MIB1: variants seen among roughly 807,000 people sequenced by gnomAD.
MIB1 encodes the protein E3 ubiquitin-protein ligase MIB1.
In MIB1, 278 loss-of-function variants were observed where a neutral mutation model predicts 124.5. That is an observed-to-expected ratio of 2.23 (90% CI 2.02 to 2.47). The LOEUF (loss-of-function observed/expected upper bound fraction) is 2.47. MIB1 is among the 30% of genes most tolerant of loss of function. The pLI is 0.00. For synonymous variants in MIB1, 446 were observed against 429.4 expected (o/e 1.04, Z -0.48); for missense variants, 957 against 1,254.4 (o/e 0.76, Z 3.58).
intron 12 of MIB1, among the ~76,000 whole-genome samples, chr18:21,822,659 T>C (rs183192176): frequency 1.3e-5 from 2 of 150,044 alleles, no homozygotes; most frequent in East Asian, 2.0e-4. Flanking sequence ...AATTGGGATG[T>C]TTTGAATTCT....
chr18:21,811,421 G>GT (rs547039241), intron 10 of MIB1, among the ~76,000 whole-genome samples: 1 of 152,180 alleles, frequency 6.6e-6, no homozygotes, highest in Admixed American at 6.5e-5. Context: ...GTTCACCTGT[G>GT]TTTTTAGCAG....
At chr18:21,819,721 A>T in intron 12 of MIB1, 75 bp downstream of exon 12, 7 of 1,063,840 alleles carry the variant, frequency 6.6e-6, no homozygotes, top group Non-Finnish European at 9.0e-6. Flanking sequence ...TCTGATACTG[A>T]TGAAGAAATA....
At chr18:21,811,310 A>G (rs2041770901) in intron 10 of MIB1, among the ~76,000 whole-genome samples, 1 of 152,184 alleles carries the variant, frequency 6.6e-6, no homozygotes, top group African/African-American at 2.4e-5. Flanking sequence ...AGAATATGAC[A>G]GTTGCACAAA....
chr18:21,725,025 G>A (rs1268504872), intron 1 of MIB1, among the ~76,000 whole-genome samples: 1 of 146,540 alleles, frequency 6.8e-6, no homozygotes, highest in East Asian at 2.0e-4. Context: ...AACGCGGGAG[G>A]TGGAGCTTGC....
At chr18:21,740,771 A>G (rs2040837756), upstream of MIB1, among the ~76,000 whole-genome samples, 1 of 152,142 alleles carries the variant, frequency 6.6e-6, no homozygotes, top group African/African-American at 2.4e-5. Context: ...CTTTTTCTAG[A>G]CCGCGCGCAT....
chr18:21,768,537 A>G (rs1165164917), intron 2 of MIB1, 86 bp from the exon 3 acceptor site: 34 of 1,000,108 alleles, frequency 3.4e-5, no homozygotes, highest in African/African-American at 5.0e-5. Context: ...TACTTTCAAA[A>G]TAACATTTTT....
At chr18:21,789,662 CA>C (rs2041479521) in intron 6 of MIB1, among the ~76,000 whole-genome samples, 2 of 152,108 alleles carry the variant, frequency 1.3e-5, no homozygotes, top group South Asian at 4.2e-4. Flanking sequence ...ACTAAAAATA[CA>C]AAAATTAGCT....
At chr18:21,858,988 C>G (rs2146521663) in intron 20 of MIB1, among the ~76,000 whole-genome samples, 1 of 152,290 alleles carries the variant, frequency 6.6e-6, no homozygotes, top group South Asian at 2.1e-4. Flanking sequence ...AGCCGTAACT[C>G]ATACACTGCT....
chr18:21,727,318 A>G (rs1413405322), intron 1 of MIB1, among the ~76,000 whole-genome samples: 1 of 152,150 alleles, frequency 6.6e-6, no homozygotes, highest in Non-Finnish European at 1.5e-5. Context: ...GTTTTAGTAG[A>G]GTTGGGAGTT....
rs2041630681 is a variant in MIB1 at position 21,799,882 on chromosome 18, GA to G, written c.1281del (p.Glu427AspfsTer9). The G allele has an allele frequency of 1.9e-6, 3 of 1,611,954 alleles. No individual in the cohort carries two copies. Among genetic ancestry groups the G allele is most frequent in the Non-Finnish European group, 8.5e-7 (1 of 1,178,634 alleles). ...CCTGAAGAAATTATTTGAAACCCAA[GA>G]ATCTGGTGACCTCAATGAAGAATTA... ...QLLKKLFETQ[E>X]SGDLNEELVK... On this transcript the variant is annotated frameshift_variant, in exon 9 of 21. Transcript: ENST00000261537. LOFTEE classifies it high-confidence loss of function.
chr18:21,801,980 A>C (rs1263163530), intron 9 of MIB1, among the ~76,000 whole-genome samples: 1 of 152,040 alleles, frequency 6.6e-6, no homozygotes, highest in African/African-American at 2.4e-5. Context: ...TTGGTGAAGT[A>C]AGGTTTTTAT....
At chr18:21,709,543 TTCAAAG>T (rs1346288143) in intron 1 of MIB1, among the ~76,000 whole-genome samples, 2 of 152,164 alleles carry the variant, frequency 1.3e-5, no homozygotes, top group African/African-American at 4.8e-5. Context: ...TCCTTATTTA[TTCAAAG>T]TCTGTTGTGA....
chr18:21,727,729 G>A (rs999994646), intron 1 of MIB1, among the ~76,000 whole-genome samples: 1 of 152,166 alleles, frequency 6.6e-6, no homozygotes, highest in African/African-American at 2.4e-5. Flanking sequence ...ACTGCAGCCT[G>A]GGTGACAGAG....
At chr18:21,844,063 T>C in intron 14 of MIB1, 29 bp from the exon 15 acceptor site, 1 of 1,610,876 alleles carries the variant, frequency 6.2e-7, no homozygotes, top group Non-Finnish European at 8.5e-7. Flanking sequence ...GTGGACACTT[T>C]GCCAAAATGA....
At chr18:21,714,776 C>T (rs747499440) in intron 1 of MIB1, among the ~76,000 whole-genome samples, 10 of 152,184 alleles carry the variant, frequency 6.6e-5, no homozygotes, top group Non-Finnish European at 1.2e-4. Context: ...TGAGGCTGCT[C>T]ATATTGAAAT....
At chr18:21,726,780 T>TC (rs2040744016) in intron 1 of MIB1, among the ~76,000 whole-genome samples, 3 of 151,936 alleles carry the variant, frequency 2.0e-5, no homozygotes, top group Non-Finnish European at 4.4e-5. Flanking sequence ...ATCCCTTCAC[T>TC]CCCCCCGTAA....
chr18:21,761,213 G>A (rs1489090321), intron 1 of MIB1, among the ~76,000 whole-genome samples: 1 of 147,304 alleles, frequency 6.8e-6, no homozygotes, highest in African/African-American at 2.5e-5. Flanking sequence ...ACTATTCTCG[G>A]TCACACAAAG....
rs532584702 is a variant in MIB1, at chr18:21,804,090, G to A, written c.1479+76G>A. ...ATACTTCTATATCATGAGATGGATTGTTTTTATTTTTGAAATTTAGTATCC... is the reference window on the plus strand; with the variant it reads ...ATACTTCTATATCATGAGATGGATTATTTTTATTTTTGAAATTTAGTATCC... On this transcript the variant is annotated intron_variant, in intron 10 of 20. Transcript: ENST00000261537. 4.5e-6 allele frequency: 5 copies of A among 1,115,310 alleles called. No homozygotes were observed. In the South Asian group the frequency reaches 5.4e-5, roughly 12 times the overall value. The allele number at this position is 1,115,310 out of a possible 1,614,324, so 69.1% of individuals were successfully genotyped here.
At chr18:21,837,587 C>T (rs975063351) in intron 12 of MIB1, among the ~76,000 whole-genome samples, 1 of 152,142 alleles carries the variant, frequency 6.6e-6, no homozygotes, top group East Asian at 1.9e-4. Context: ...CTTCAATCCT[C>T]CACAACCCAT....
Sources: allele counts gnomAD v4.1 joint callset (sites outside exome capture counted in the v4.1 genomes callset), GRCh38; gene constraint gnomAD v4.1.1; transcripts MANE v1.5; gene names NCBI Gene and HGNC (gene_info 2026-07-23, HGNC 2026-07-21).